PLCB1: variants seen among roughly 807,000 people sequenced by gnomAD.
PLCB1 encodes 1-phosphatidylinositol 4,5-bisphosphate phosphodiesterase beta-1.
In PLCB1, 46 loss-of-function variants were observed where a neutral mutation model predicts 161.8. The ratio of observed to expected loss-of-function variants is 0.28; its 90% CI spans 0.22 to 0.36. The LOEUF (loss-of-function observed/expected upper bound fraction) is 0.36, where lower values mean the gene tolerates loss of function less well. PLCB1 is among the 10% of genes least tolerant of loss of function. The pLI, the probability that PLCB1 is intolerant of heterozygous loss-of-function variation, is 1.00. For missense variants in PLCB1, 1,016 were observed against 1,472.5 expected (o/e 0.69, Z 5.07); for synonymous variants, 517 against 503.7 (o/e 1.03, Z -0.35).
chr20:8,609,837 C>G (rs1260821183), intron 3 of PLCB1, among the ~76,000 whole-genome samples: 1 of 152,076 alleles, frequency 6.6e-6, no homozygotes, highest in African/African-American at 2.4e-5. Context: ...TCTGAAGCAA[C>G]TTTTTTGAAA....
intron 3 of PLCB1, among the ~76,000 whole-genome samples, chr20:8,385,973 C>T (rs924825111): frequency 1.3e-5 from 2 of 152,212 alleles, no homozygotes; most frequent in Non-Finnish European, 2.9e-5. Flanking sequence ...CCTGCCTCCC[C>T]GTTCAAGTTT....
chr20:8,788,053 G>A (rs184288469), intron 27 of PLCB1, among the ~76,000 whole-genome samples: 115 of 152,248 alleles, frequency 7.6e-4, no homozygotes, highest in African/African-American at 2.5e-3. Context: ...AAGACATAAA[G>A]ACAGTGATCA....
At chr20:8,711,428 C>T (rs1231290969) in intron 12 of PLCB1, among the ~76,000 whole-genome samples, 1 of 152,166 alleles carries the variant, frequency 6.6e-6, no homozygotes, top group Non-Finnish European at 1.5e-5. Context: ...GAGACTAGTG[C>T]CATTGTACTG....
At chr20:8,544,506 G>A (rs1323930453) in intron 3 of PLCB1, among the ~76,000 whole-genome samples, 2 of 152,302 alleles carry the variant, frequency 1.3e-5, no homozygotes, top group South Asian at 2.1e-4. Flanking sequence ...CTTTCAAGTG[G>A]CAATCAGAGC....
At chr20:8,855,317 G>T (rs560650600) in intron 31 of PLCB1, among the ~76,000 whole-genome samples, 50 of 152,200 alleles carry the variant, frequency 3.3e-4, no homozygotes, top group Admixed American at 6.5e-4. Flanking sequence ...AATAAGAAAT[G>T]GGAGAAGAAT....
At chr20:8,403,830 T>C (rs187798295) in intron 3 of PLCB1, among the ~76,000 whole-genome samples, 19 of 152,224 alleles carry the variant, frequency 1.2e-4, no homozygotes, top group African/African-American at 3.6e-4. Flanking sequence ...GGTGCACCCA[T>C]GAACATTCAG....
intron 2 of PLCB1, among the ~76,000 whole-genome samples, chr20:8,223,016 T>C (rs1979493010): frequency 6.6e-6 from 1 of 152,158 alleles, no homozygotes; most frequent in Non-Finnish European, 1.5e-5. Flanking sequence ...AACAGTTTTG[T>C]CCACTTAAAA....
chr20:8,540,111 C>G (rs529741315), intron 3 of PLCB1, among the ~76,000 whole-genome samples: 13 of 152,176 alleles, frequency 8.5e-5, no homozygotes, highest in East Asian at 1.9e-4. Context: ...ATCAATTTTT[C>G]AAGATGTTAA....
rs1978782051 is a variant in PLCB1, at chr20:8,406,245, G to A, written c.246+34795G>A. 2.0e-5 allele frequency among the ~76,000 whole-genome samples: 3 copies of A among 152,274 alleles called. 1 individual carries two copies. Among genetic ancestry groups the A allele is most frequent in the African/African-American group, 7.2e-5 (3 of 41,558 alleles). ...AAAGCTACATTTTAAAATCAGTAAT[G>A]ACCATAGTGATAAAAGCTGTTTCTC... On this transcript the variant is annotated intron_variant, in intron 3 of 31. Coordinates refer to ENST00000338037, the MANE Select transcript of PLCB1 (RefSeq NM_015192.4).
At chr20:8,141,491 T>C (rs6055565) in intron 1 of PLCB1, among the ~76,000 whole-genome samples, 39,012 of 151,564 alleles carry the variant, frequency 0.26, 5,563 homozygotes, top group African/African-American at 0.36. Context: ...GGTGTGGTGG[T>C]GCACACCTGT....
intron 31 of PLCB1, among the ~76,000 whole-genome samples, chr20:8,854,577 T>C (rs372820643): frequency 3.9e-5 from 6 of 152,302 alleles, no homozygotes; most frequent in African/African-American, 9.6e-5. Flanking sequence ...GTAGGGAAAT[T>C]AATTACGAAG....
At chr20:8,253,261 T>A (rs1047791822) in intron 2 of PLCB1, among the ~76,000 whole-genome samples, 5 of 152,024 alleles carry the variant, frequency 3.3e-5, no homozygotes, top group African/African-American at 1.2e-4. Context: ...TATTTGTTGT[T>A]GTTGTTTTTC....
At chr20:8,555,888 A>G (rs1048235275) in intron 3 of PLCB1, among the ~76,000 whole-genome samples, 14 of 152,122 alleles carry the variant, frequency 9.2e-5, no homozygotes, top group Non-Finnish European at 1.3e-4. Context: ...AATTTTTTCT[A>G]TTCCACAAAA....
At chr20:8,702,209 A>G (rs1978405774) in intron 11 of PLCB1, among the ~76,000 whole-genome samples, 1 of 152,086 alleles carries the variant, frequency 6.6e-6, no homozygotes, top group South Asian at 2.1e-4. Flanking sequence ...TTTATTATTT[A>G]TCCCATATAT....
chr20:8,504,503 G>C (rs1047261533), intron 3 of PLCB1, among the ~76,000 whole-genome samples: 1 of 152,062 alleles, frequency 6.6e-6, no homozygotes, highest in Non-Finnish European at 1.5e-5. Context: ...TTATAGTTTG[G>C]GCTGTGAGAT....
intron 3 of PLCB1, among the ~76,000 whole-genome samples, chr20:8,538,411 A>G (rs1432481307): frequency 6.6e-6 from 1 of 152,110 alleles, no homozygotes; most frequent in Non-Finnish European, 1.5e-5. Flanking sequence ...CAGTGTTGCA[A>G]CCATGGCTCA....
chr20:8,389,962 C>A (rs945744347), intron 3 of PLCB1, among the ~76,000 whole-genome samples: 13 of 152,286 alleles, frequency 8.5e-5, no homozygotes, highest in Non-Finnish European at 1.8e-4. Flanking sequence ...TGGATGATTT[C>A]TCTTTTGAAA....
intron 3 of PLCB1, among the ~76,000 whole-genome samples, chr20:8,449,222 A>G (rs1351857592): frequency 6.6e-6 from 1 of 152,194 alleles, no homozygotes; most frequent in Non-Finnish European, 1.5e-5. Flanking sequence ...CATAGATTCT[A>G]TTATTGTCAA....
Position 8,317,844 on chromosome 20 carries a change from ATAGTTT to A in PLCB1, c.178-53535_178-53530del, listed in dbSNP as rs781490460. ...GTTGACCTTGTAACCATAAAGCTTC[ATAGTTT>A]TAAAGTCAATTATTAAATAACCCAT... On this transcript the variant is annotated intron_variant, in intron 2 of 31. Coordinates refer to ENST00000338037, the MANE Select transcript of PLCB1 (RefSeq NM_015192.4). Among the ~76,000 whole-genome samples, 224 of 152,306 alleles carry A rather than the reference ATAGTTT, an allele frequency of 1.5e-3. 1 individual carries two copies. The highest frequency in any genetic ancestry group is 6.0e-3 in the South Asian group (29 of 4,828).
Sources: allele counts gnomAD v4.1 joint callset (sites outside exome capture counted in the v4.1 genomes callset), GRCh38; gene constraint gnomAD v4.1.1; transcripts MANE v1.5; gene names NCBI Gene and HGNC (gene_info 2026-07-23, HGNC 2026-07-21).